GXYLT2: variants seen among roughly 807,000 people sequenced by gnomAD.
GXYLT2 encodes the protein glycosyltransferase 8 domain containing 4.
Under a neutral mutation model 45.8 loss-of-function variants are expected in GXYLT2, and 53 were observed. The ratio of observed to expected loss-of-function variants is 1.16; its 90% CI spans 0.93 to 1.46. The LOEUF (loss-of-function observed/expected upper bound fraction) is 1.46, where lower values mean the gene tolerates loss of function less well. GXYLT2 is among the 40% of genes most tolerant of loss of function. The probability of loss-of-function intolerance (pLI) is 0.00; values close to 1 mark genes in which losing one functional copy is unlikely to be tolerated. For missense variants in GXYLT2, 551 were observed against 544.4 expected (o/e 1.01, Z -0.12); for synonymous variants, 219 against 214.2 (o/e 1.02, Z -0.19).
chr3:72,895,890 G>T (rs902520654), intron 1 of GXYLT2, among the ~76,000 whole-genome samples: 5 of 152,134 alleles, frequency 3.3e-5, no homozygotes, highest in Non-Finnish European at 7.3e-5. Context: ...ATGAGAGACT[G>T]TAATCTCATA....
chr3:72,916,634 G>T (rs1709749338), intron 2 of GXYLT2, among the ~76,000 whole-genome samples: 1 of 152,008 alleles, frequency 6.6e-6, no homozygotes, highest in Non-Finnish European at 1.5e-5. Flanking sequence ...CTGCCTCCTG[G>T]GTTCCAGTGC....
intron 5 of GXYLT2, among the ~76,000 whole-genome samples, chr3:72,965,159 A>G (rs1233813175): frequency 1.3e-5 from 2 of 152,204 alleles, no homozygotes; most frequent in African/African-American, 4.8e-5. Flanking sequence ...TTCTCCTGAG[A>G]AAAGAGAAAT....
At chr3:72,894,066 A>G (rs1709234652) in intron 1 of GXYLT2, among the ~76,000 whole-genome samples, 1 of 152,220 alleles carries the variant, frequency 6.6e-6, no homozygotes, top group Non-Finnish European at 1.5e-5. Context: ...TACATTATTA[A>G]ACAAAAGACT....
At chr3:72,899,950 T>C (rs970978087) in intron 1 of GXYLT2, among the ~76,000 whole-genome samples, 3 of 152,184 alleles carry the variant, frequency 2.0e-5, no homozygotes, top group African/African-American at 7.2e-5. Context: ...GGGCTGTATT[T>C]GAAAGAAGTG....
At chr3:72,908,630 CT>C in intron 2 of GXYLT2, 71 bp downstream of exon 2, 2 of 1,200,532 alleles carry the variant, frequency 1.7e-6, no homozygotes, top group Non-Finnish European at 2.4e-6. Context: ...ACTGCATATT[CT>C]GTTAACTAAT....
At chr3:72,937,794 A>G (rs1205146161) in intron 3 of GXYLT2, among the ~76,000 whole-genome samples, 1 of 152,182 alleles carries the variant, frequency 6.6e-6, no homozygotes, top group Non-Finnish European at 1.5e-5. Context: ...GAAATAGAAC[A>G]TATGTCTTTG....
chr3:72,900,787 A>T (rs767708134), intron 1 of GXYLT2, among the ~76,000 whole-genome samples: 1 of 151,808 alleles, frequency 6.6e-6, no homozygotes, highest in Non-Finnish European at 1.5e-5. Context: ...TATCCATGTT[A>T]TAAATGTTAA....
intron 3 of GXYLT2, among the ~76,000 whole-genome samples, chr3:72,951,377 G>A (rs1374555140): frequency 2.0e-5 from 3 of 152,178 alleles, no homozygotes; most frequent in Non-Finnish European, 4.4e-5. Flanking sequence ...GCATTGATGC[G>A]AATGGTAACT....
chr3:72,904,126 T>G (rs1037803328), intron 1 of GXYLT2, among the ~76,000 whole-genome samples: 1 of 152,214 alleles, frequency 6.6e-6, no homozygotes, highest in Non-Finnish European at 1.5e-5. Flanking sequence ...CAGTCCCCTT[T>G]TATAAAGTAA....
intron 5 of GXYLT2, among the ~76,000 whole-genome samples, chr3:72,958,700 C>T (rs1288573714): frequency 7.0e-6 from 1 of 143,094 alleles, no homozygotes; most frequent in Non-Finnish European, 1.5e-5. Context: ...GACACAATCT[C>T]AGCTCACTGC....
chr3:72,908,981 C>T (rs1709563226), intron 2 of GXYLT2, among the ~76,000 whole-genome samples: 1 of 152,022 alleles, frequency 6.6e-6, no homozygotes, highest in Non-Finnish European at 1.5e-5. Flanking sequence ...CCACCTTGGC[C>T]TCCCAAAGTG....
intron 3 of GXYLT2, among the ~76,000 whole-genome samples, chr3:72,935,326 AAAACT>A (rs1218886557): frequency 9.8e-5 from 15 of 152,338 alleles, no homozygotes; most frequent in Middle Eastern, 3.4e-3. Flanking sequence ...GCAAAAAACA[AAAACT>A]AAATAGAAGG....
At chr3:72,890,614 G>A (rs1709164733) in intron 1 of GXYLT2, among the ~76,000 whole-genome samples, 1 of 152,274 alleles carries the variant, frequency 6.6e-6, no homozygotes, top group East Asian at 1.9e-4. Flanking sequence ...TTACTGAGAT[G>A]TCTTTTAAAG....
At chr3:72,972,193 G>A (rs1710998499) in intron 6 of GXYLT2, among the ~76,000 whole-genome samples, 1 of 151,978 alleles carries the variant, frequency 6.6e-6, no homozygotes, top group Non-Finnish European at 1.5e-5. Flanking sequence ...TGTGTGAAAG[G>A]GCAGTGCAGC....
intron 1 of GXYLT2, among the ~76,000 whole-genome samples, chr3:72,896,867 AT>A (rs1257513808): frequency 3.3e-5 from 5 of 150,670 alleles, no homozygotes; most frequent in Non-Finnish European, 4.4e-5. Context: ...AAAAAAAAAA[AT>A]GTTTACTAGC....
At chr3:72,919,546 G>C (rs749017496) in intron 2 of GXYLT2, among the ~76,000 whole-genome samples, 2 of 152,204 alleles carry the variant, frequency 1.3e-5, no homozygotes, top group Non-Finnish European at 2.9e-5. Flanking sequence ...CCTGAGGTCG[G>C]GAGTTTGAGA....
intron 3 of GXYLT2, among the ~76,000 whole-genome samples, chr3:72,935,007 G>T (rs959178626): frequency 3.3e-5 from 5 of 152,176 alleles, no homozygotes; most frequent in Non-Finnish European, 7.4e-5. Flanking sequence ...GCTGGAATAT[G>T]AATAGAGATC....
At chr3:72,899,986 T>C (rs551067791) in intron 1 of GXYLT2, among the ~76,000 whole-genome samples, 49 of 152,348 alleles carry the variant, frequency 3.2e-4, no homozygotes, top group African/African-American at 1.2e-3. Context: ...CTTACCCTGC[T>C]AGTCTGTATG....
chr3:72,970,311 A>G (rs967544565), intron 6 of GXYLT2, among the ~76,000 whole-genome samples: 1 of 151,864 alleles, frequency 6.6e-6, no homozygotes, highest in Non-Finnish European at 1.5e-5. Context: ...TGATTGCACT[A>G]CTACACTCCA....
Sources: allele counts gnomAD v4.1 joint callset (sites outside exome capture counted in the v4.1 genomes callset), GRCh38; gene constraint gnomAD v4.1.1; transcripts MANE v1.5; gene names NCBI Gene and HGNC (gene_info 2026-07-23, HGNC 2026-07-21).